The following ACOT1 variants were observed in gnomAD, a reference collection of about 807,000 sequenced individuals.
ACOT1 encodes the protein acyl-CoA thioesterase 1.
Under a neutral mutation model 15.7 loss-of-function variants are expected in ACOT1, and 8 were observed. The observed-to-expected ratio is 0.51, with a 90% confidence interval of 0.30 to 0.92. The LOEUF (loss-of-function observed/expected upper bound fraction) is 0.92. Ranked by LOEUF, ACOT1 falls within the 40% of genes least tolerant of loss-of-function variation. The pLI is 0.06. For missense variants in ACOT1, 151 were observed against 539.4 expected (o/e 0.28, Z 7.13); for synonymous variants, 67 against 241.2 (o/e 0.28, Z 6.69).
rs763854910 is a variant in ACOT1 at position 73,543,288 on chromosome 14, T to A, written c.899T>A (p.Leu300Ter). ...ATTGTGGATGTCCTGAACAGCCCTT[T>A]GGAAGGACCTGACCAGAAGAGCTTC... ...ADIVDVLNSP[L>*]EGPDQKSFIP... Residue 300 changes from leucine (L) to a stop codon, truncating the protein, a stop_gained, in exon 3 of 3, where the codon TTG (leucine) becomes TAG (stop). Transcript: ENST00000311148. LOFTEE classifies it low-confidence loss of function (END_TRUNC). 2 of 1,580,672 alleles carry A rather than the reference T, an allele frequency of 1.3e-6. No individual in the cohort carries two copies. The highest frequency in any genetic ancestry group is 2.8e-5 in the African/African-American group (2 of 70,810).
the ACOT1 span, among the ~76,000 whole-genome samples, chr14:73,517,980 T>C: frequency 6.6e-6 from 1 of 151,792 alleles, no homozygotes; most frequent in South Asian, 2.1e-4. Context: ...CAGCTACTCG[T>C]GAGGCAGAGG....
At chr14:73,503,445 G>A in the ACOT1 span, among the ~76,000 whole-genome samples, 2 of 152,108 alleles carry the variant, frequency 1.3e-5, no homozygotes, top group Non-Finnish European at 2.9e-5. Context: ...CAGAACAGTT[G>A]GTCACTCTAT....
intron 1 of ACOT1, among the ~76,000 whole-genome samples, chr14:73,540,065 A>G (rs1229575694): frequency 8.3e-6 from 1 of 120,222 alleles, no homozygotes; most frequent in African/African-American, 2.7e-5. Context: ...TACATTTCAC[A>G]CCCTCAGAAG....
chr14:73,494,636 A>T, the ACOT1 span, among the ~76,000 whole-genome samples: 1 of 152,062 alleles, frequency 6.6e-6, no homozygotes. Flanking sequence ...CTGCAGCCTC[A>T]ACCTCCTGGG....
the ACOT1 span, among the ~76,000 whole-genome samples, chr14:73,494,255 G>A: frequency 6.6e-6 from 1 of 152,184 alleles, no homozygotes; most frequent in African/African-American, 2.4e-5. Context: ...CAGAAGACCT[G>A]GGTTTGGGGT....
the ACOT1 span, chr14:73,512,115 C>T: frequency 1.1e-5 from 18 of 1,614,186 alleles, no homozygotes; most frequent in Admixed American, 2.7e-4. Context: ...AGCTCTGAAG[C>T]AGGTTCTCTA....
the ACOT1 span, among the ~76,000 whole-genome samples, chr14:73,525,326 C>G: frequency 6.6e-6 from 1 of 152,160 alleles, no homozygotes; most frequent in Non-Finnish European, 1.5e-5. Context: ...AGCTACAGCA[C>G]TCAGCAAAGG....
At chr14:73,498,093 G>A in the ACOT1 span, 1 of 1,467,528 alleles carries the variant, frequency 6.8e-7, no homozygotes, top group East Asian at 2.3e-5. Context: ...CATATTCAAT[G>A]AGCAAAGATG....
the ACOT1 span, chr14:73,499,028 G>A: frequency 6.5e-7 from 1 of 1,531,450 alleles, no homozygotes; most frequent in East Asian, 2.2e-5. Flanking sequence ...CATAGGCAAA[G>A]GTATTTAAGG....
At chr14:73,491,731 C>T in the ACOT1 span, 10 of 1,553,058 alleles carry the variant, frequency 6.4e-6, no homozygotes, top group Non-Finnish European at 8.7e-6. Flanking sequence ...ACACCTACTA[C>T]CAGGGACTTT....
chr14:73,517,721 G>A, the ACOT1 span, among the ~76,000 whole-genome samples: 1,869 of 150,092 alleles, frequency 0.012, 16 homozygotes, highest in South Asian at 0.025. Context: ...GGGGAAGGGG[G>A]AAGAGAGGAA....
the ACOT1 span, among the ~76,000 whole-genome samples, chr14:73,524,286 T>C: frequency 1.4e-5 from 1 of 71,512 alleles, no homozygotes; most frequent in Non-Finnish European, 2.4e-5. Context: ...AGAGCAAAAC[T>C]CCGTCTCAAA....
At chr14:73,505,958 T>C in the ACOT1 span, among the ~76,000 whole-genome samples, 4 of 150,322 alleles carry the variant, frequency 2.7e-5, no homozygotes, top group Non-Finnish European at 5.9e-5. Context: ...TGGTGAGATC[T>C]TGGTTCACTG....
chr14:73,497,398 C>A, the ACOT1 span, among the ~76,000 whole-genome samples: 1 of 152,092 alleles, frequency 6.6e-6, no homozygotes, highest in Non-Finnish European at 1.5e-5. Flanking sequence ...TTATGACAGG[C>A]GCTAAACATG....
At chr14:73,496,439 A>G in the ACOT1 span, among the ~76,000 whole-genome samples, 1 of 152,196 alleles carries the variant, frequency 6.6e-6, no homozygotes, top group African/African-American at 2.4e-5. Flanking sequence ...AATCTTGCAC[A>G]GATGCTTTGC....
At chr14:73,509,376 G>T in the ACOT1 span, 3 of 1,614,016 alleles carry the variant, frequency 1.9e-6, no homozygotes, top group Non-Finnish European at 2.5e-6. Flanking sequence ...TGGCATATTG[G>T]CATATTGCTG....
the ACOT1 span, among the ~76,000 whole-genome samples, chr14:73,525,990 A>C: frequency 6.6e-6 from 1 of 151,654 alleles, no homozygotes; most frequent in African/African-American, 2.4e-5. Flanking sequence ...AGAAACAAAA[A>C]ATCAGGTGAG....
At chr14:73,496,271 A>G in the ACOT1 span, among the ~76,000 whole-genome samples, 2 of 152,322 alleles carry the variant, frequency 1.3e-5, no homozygotes, top group Admixed American at 6.5e-5. Flanking sequence ...CTCTATGCCT[A>G]TTTGAAAAAA....
the ACOT1 span, chr14:73,520,396 T>C: frequency 2.3e-4 from 35 of 154,752 alleles, no homozygotes; most frequent in Non-Finnish European, 3.9e-4. Flanking sequence ...TCAGAGGAAT[T>C]ATATAATTTA....
Sources: allele counts gnomAD v4.1 joint callset (sites outside exome capture counted in the v4.1 genomes callset), GRCh38; gene constraint gnomAD v4.1.1; transcripts MANE v1.5; gene names NCBI Gene and HGNC (gene_info 2026-07-23, HGNC 2026-07-21).